CFI: variants seen among roughly 807,000 people sequenced by gnomAD.
CFI encodes the protein complement factor I.
Under a neutral mutation model 78.8 loss-of-function variants are expected in CFI, and 66 were observed. The ratio of observed to expected loss-of-function variants is 0.84; its 90% confidence interval spans 0.69 to 1.03. CFI has a LOEUF of 1.03. Ranked by LOEUF, CFI falls within the 50% of genes least tolerant of loss-of-function variation. CFI has a pLI of 0.00. For synonymous variants in CFI, 250 were observed against 232.6 expected, an observed-to-expected ratio of 1.07 and a Z score of -0.68; for missense variants, 706 against 704.5, an observed-to-expected ratio of 1.00 and a Z score of -0.02.
In CFI at chr4:109,775,052, A is replaced by T. The variant is rs529503583; in HGVS notation, c.58-8228T>A. Among the ~76,000 whole-genome samples, 3 of 152,244 alleles carry T rather than the reference A, an allele frequency of 2.0e-5. No individual in the cohort carries two copies. The South Asian group carries it at 6.2e-4, about 32-fold the overall frequency. On this transcript the variant is annotated intron_variant, in intron 1 of 12. Coordinates refer to ENST00000394634, the MANE Select transcript of CFI (RefSeq NM_000204.5). ...AAATTTCCAACTTGAGGAGGTTCCA[A>T]TATGGCCAAATAGGAACAGCTCCAG... is the stretch of plus-strand genomic sequence containing the variant.
intron 1 of CFI, among the ~76,000 whole-genome samples, chr4:109,771,243 AT>A (rs1382281278): frequency 2.0e-5 from 3 of 151,966 alleles, no homozygotes; most frequent in Admixed American, 6.6e-5. Flanking sequence ...TACAAAAAAA[AT>A]AAAAAATAAA....
chr4:109,755,904 C>A (rs1726071529), intron 7 of CFI, among the ~76,000 whole-genome samples: 1 of 151,834 alleles, frequency 6.6e-6, no homozygotes, highest in Non-Finnish European at 1.5e-5. Context: ...GTAAATTGTG[C>A]AAGATAAACA....
chr4:109,756,968 AG>A (rs1561298110), intron 7 of CFI, among the ~76,000 whole-genome samples: 3 of 139,900 alleles, frequency 2.1e-5, no homozygotes, highest in Non-Finnish European at 4.7e-5. Flanking sequence ...AAAGAAAGAA[AG>A]AAAGAAAGAA....
Position 109,767,623 on chromosome 4 carries a change from C to T in CFI, c.58-799G>A, listed in dbSNP as rs559177130. Among the ~76,000 whole-genome samples, 41 of 150,662 alleles carry T rather than the reference C, an allele frequency of 2.7e-4. No individual in the cohort carries two copies. In the South Asian group the frequency reaches 5.2e-3, roughly 19 times the overall value. On this transcript the variant is annotated intron_variant, in intron 1 of 12. Coordinates refer to ENST00000394634, the MANE Select transcript of CFI (RefSeq NM_000204.5). ...GTTAGAATGGCGATCATTAAAAAGT[C>T]GGGAAATAACAGGTGCTGGAGAGGA...
At chr4:109,760,494 G>T in intron 5 of CFI, 29 bp downstream of exon 5, 2 of 1,483,678 alleles carry the variant, frequency 1.3e-6, no homozygotes, top group Non-Finnish European at 1.9e-6. Flanking sequence ...AATGAATTTA[G>T]AGGATTTAGA....
At chr4:109,784,779 T>C (rs1730530202) in intron 1 of CFI, among the ~76,000 whole-genome samples, 1 of 152,088 alleles carries the variant, frequency 6.6e-6, no homozygotes, top group Non-Finnish European at 1.5e-5. Context: ...CTCCTATGTA[T>C]TTACTGTGCA....
chr4:109,793,851 A>G (rs1731687460), intron 1 of CFI: 1 of 152,226 alleles, frequency 6.6e-6, no homozygotes, highest in Admixed American at 6.5e-5. Context: ...CCTGTAGGAC[A>G]GGTCTATTAG....
intron 7 of CFI, among the ~76,000 whole-genome samples, chr4:109,757,275 C>T (rs191390096): frequency 0.024 from 3,470 of 143,198 alleles, 67 homozygotes; most frequent in Non-Finnish European, 0.037. Flanking sequence ...ACCTCGTGAT[C>T]CACCCGCCTT....
At chr4:109,766,909 C>G (rs1727836969) in intron 1 of CFI, 85 bp from the exon 2 acceptor site, 1 of 1,331,428 alleles carries the variant, frequency 7.5e-7, no homozygotes, top group African/African-American at 1.4e-5. Context: ...AAGAGCAAAA[C>G]AGATACAGCC....
intron 12 of CFI, 27 bp from the exon 13 acceptor site, chr4:109,741,137 T>C: frequency 6.2e-7 from 1 of 1,613,556 alleles, no homozygotes; most frequent in Non-Finnish European, 8.5e-7. Context: ...AAAGAGAAAA[T>C]CACACATTTC....
Position 109,760,590 on chromosome 4 carries a change from A to G in CFI, c.705T>C (p.Ile235=), listed in dbSNP as rs373891906. 1.6e-5 allele frequency: 26 copies of G among 1,611,192 alleles called. No individual in the cohort carries two copies. The African/African-American group carries it at 3.5e-4, about 21-fold the overall frequency. The change falls in exon 5 of 13, where the codon ATT becomes ATC. Residue 235 remains isoleucine (I), a synonymous_variant. Coordinates refer to ENST00000394634, the MANE Select transcript of CFI (RefSeq NM_000204.5). ...DFFQCVNGKY[I]SQMKACDGIN... ...TACCATCACAGGCTTTCATCTGAGA[A>G]ATGTATTTCCCATTCACACACTGAA...
chr4:109,792,592 C>A (rs191389867), intron 1 of CFI, among the ~76,000 whole-genome samples: 3 of 151,992 alleles, frequency 2.0e-5, no homozygotes, highest in Non-Finnish European at 4.4e-5. Flanking sequence ...CCCACCCCCC[C>A]CAAAACAAGA....
intron 1 of CFI, among the ~76,000 whole-genome samples, chr4:109,783,777 A>G (rs1730361101): frequency 6.8e-6 from 1 of 147,732 alleles, no homozygotes; most frequent in Non-Finnish European, 1.5e-5. Flanking sequence ...GCCAATCCAA[A>G]TGCCCACCAT....
chr4:109,792,287 A>G (rs531412507), intron 1 of CFI, among the ~76,000 whole-genome samples: 2 of 152,208 alleles, frequency 1.3e-5, no homozygotes, highest in East Asian at 1.9e-4. Context: ...TTATATTATT[A>G]TCTATTTCTG....
intron 6 of CFI, 69 bp from the exon 7 acceptor site, chr4:109,757,852 T>G: frequency 7.8e-7 from 1 of 1,289,096 alleles, no homozygotes; most frequent in Non-Finnish European, 1.1e-6. Flanking sequence ...TATAGCAATA[T>G]ACTATACATA....
At position 109,778,001 on chromosome 4, in the gene CFI, A is replaced by G. The variant is rs187990754; in HGVS notation, c.58-11177T>C. ...TAAAGCAGTGTGTAGAGCGAAATTT[A>G]TAGCACTAAATGCCCACAAGAGAAA... On this transcript the variant is annotated intron_variant, in intron 1 of 12. Coordinates refer to ENST00000394634, the MANE Select transcript of CFI (RefSeq NM_000204.5). Among the ~76,000 whole-genome samples the G allele has an allele frequency of 8.0e-3, 1,221 of 152,148 alleles. 26 individuals are homozygous for G. The highest frequency in any genetic ancestry group is 6.5e-3 in the Non-Finnish European group (442 of 67,994).
At chr4:109,754,606 C>T (rs775669977) in intron 7 of CFI, among the ~76,000 whole-genome samples, 1 of 151,900 alleles carries the variant, frequency 6.6e-6, no homozygotes, top group East Asian at 1.9e-4. Context: ...ATCACATAGC[C>T]CAGAATGGCA....
chr4:109,776,290 G>A (rs1368260068), intron 1 of CFI, among the ~76,000 whole-genome samples: 2 of 152,128 alleles, frequency 1.3e-5, no homozygotes, highest in African/African-American at 4.8e-5. Context: ...ACCTGATGGA[G>A]CTGAAAACCA....
intron 8 of CFI, among the ~76,000 whole-genome samples, chr4:109,749,838 G>A (rs530124208): frequency 2.0e-5 from 3 of 152,254 alleles, no homozygotes; most frequent in East Asian, 3.9e-4. Context: ...TAGACTAGTG[G>A]CAGAAAAGGG....
Sources: allele counts gnomAD v4.1 joint callset (sites outside exome capture counted in the v4.1 genomes callset), GRCh38; gene constraint gnomAD v4.1.1; transcripts MANE v1.5; gene names NCBI Gene and HGNC (gene_info 2026-07-23, HGNC 2026-07-21).